BPIFB4: variants seen among roughly 807,000 people sequenced by gnomAD.
The protein encoded by BPIFB4 is BPI fold containing family B member 4, also known as BPI fold-containing family B member 4.
BPIFB4 carries 62 observed loss-of-function variants against 69.2 expected under a neutral mutation model. The observed-to-expected ratio is 0.90, with a 90% confidence interval of 0.73 to 1.11. The LOEUF is 1.11. Among genes scored for constraint, BPIFB4 ranks in the 50% least tolerant of loss-of-function variants. The probability of loss-of-function intolerance (pLI) is 0.00; values close to 1 mark genes in which losing one functional copy is unlikely to be tolerated. For missense variants in BPIFB4, 789 were observed against 792.0 expected (o/e 1.00, Z 0.04); for synonymous variants, 330 against 332.7 (o/e 0.99, Z 0.09).
chr20:33,094,498 TTTTC>T (rs1225703219), intron 11 of BPIFB4, among the ~76,000 whole-genome samples: 4 of 139,488 alleles, frequency 2.9e-5, no homozygotes, highest in East Asian at 3.9e-4. Context: ...TTTCTTTTCT[TTTTC>T]TTTCTTTCTT....
chr20:33,095,241 T>G, intron 12 of BPIFB4, 88 bp downstream of exon 12: 1 of 1,380,890 alleles, frequency 7.2e-7, no homozygotes, highest in East Asian at 2.3e-5. Flanking sequence ...TGCTCAGCGC[T>G]GGGGTGGGGT....
In BPIFB4 at chr20:33,089,680, CT is replaced by C. The variant is rs1300196988; in HGVS notation, c.1051+123del. The C allele has an allele frequency of 6.6e-6, 10 of 1,515,650 alleles. No individual in the cohort carries two copies. In the East Asian group the frequency reaches 2.2e-4, roughly 33 times the overall value. 93.9% of individuals were successfully genotyped at this position (1,515,650 alleles called of 1,614,324 possible). On this transcript the variant is annotated intron_variant, in intron 9 of 17. Transcript: ENST00000375483. ...CTTAGGCCCTTGAAGTGAGGAGTGG[CT>C]AATGCCACAAGGGAGGTGCCACCTG...
chr20:33,096,153 G>T (rs571318425), intron 12 of BPIFB4, among the ~76,000 whole-genome samples: 1 of 152,272 alleles, frequency 6.6e-6, no homozygotes, highest in South Asian at 2.1e-4. Flanking sequence ...CATTCTCTAG[G>T]GTGGTAACAG....
chr20:33,093,758 TCC>T (rs1981677943), intron 11 of BPIFB4, among the ~76,000 whole-genome samples: 3 of 151,590 alleles, frequency 2.0e-5, no homozygotes, highest in African/African-American at 4.9e-5. Flanking sequence ...CATCCACCTA[TCC>T]ATCTATCCAT....
At chr20:33,089,251 C>T (rs1487208336) in intron 8 of BPIFB4, among the ~76,000 whole-genome samples, 3 of 152,144 alleles carry the variant, frequency 2.0e-5, no homozygotes, top group Admixed American at 1.3e-4. Context: ...TGCACAGTTC[C>T]GGGTTTGAAT....
At chr20:33,100,063 G>A (rs1260165280) in intron 13 of BPIFB4, among the ~76,000 whole-genome samples, 5 of 152,096 alleles carry the variant, frequency 3.3e-5, no homozygotes, top group African/African-American at 7.2e-5. Flanking sequence ...CACCCACTCC[G>A]AGGCATTGCA....
intron 17 of BPIFB4, among the ~76,000 whole-genome samples, chr20:33,108,423 C>CTATATATATATATAGATATATATATA (rs1982137323): frequency 8.0e-6 from 1 of 125,704 alleles, no homozygotes; most frequent in African/African-American, 3.2e-5. Flanking sequence ...ATATATATGT[C>CTATATATATATATAGATATATATATA]TATATATATA....
At chr20:33,110,032 C>T (rs1982191533) in intron 17 of BPIFB4, among the ~76,000 whole-genome samples, 1 of 152,182 alleles carries the variant, frequency 6.6e-6, no homozygotes, top group Non-Finnish European at 1.5e-5. Flanking sequence ...ATGTTAGCAT[C>T]TTACATAAAC....
chr20:33,082,947 G>A lies in BPIFB4; in HGVS notation c.116G>A (p.Gly39Asp). 1 of 1,613,368 alleles carries A rather than the reference G, an allele frequency of 6.2e-7. No individual in the cohort carries two copies. The highest frequency in any genetic ancestry group is 8.5e-7 in the Non-Finnish European group (1 of 1,179,596). ...CCTTGCCTCTCTGCAGCCATTTCAG[G>A]CATGCTGCAGCAAAGTGATGCTCTC... ...TKDVLSNAIS[G>D]MLQQSDALHS... is the part of the protein sequence containing the mutation. The change falls in exon 4 of 18, where the codon GGC becomes GAC. Residue 39 changes from glycine to aspartate, a missense_variant. By Grantham distance (94) the Gly-to-Asp change is moderately conservative. This residue lies in a region of BPIFB4 where 611 missense variants were observed against 575.4 expected (regional missense o/e 1.06). Coordinates refer to ENST00000375483, the MANE Select transcript of BPIFB4 (RefSeq NM_182519.3).
Position 33,079,706 on chromosome 20 carries a change from A to G in BPIFB4, c.-124+3A>G, listed in dbSNP as rs1397562677. ...TCAGCGGCAGGGACCTCCTAGGGGTAAGGAGGCGCACCTTGTCTACTCAGT... is the reference window on the plus strand; with the variant it reads ...TCAGCGGCAGGGACCTCCTAGGGGTGAGGAGGCGCACCTTGTCTACTCAGT... On this transcript the variant is annotated splice_donor_region_variant and intron_variant, in intron 1 of 17. Coordinates refer to ENST00000375483, the MANE Select transcript of BPIFB4 (RefSeq NM_182519.3). 1 of 152,322 alleles carries G rather than the reference A, an allele frequency of 6.6e-6. No individual in the cohort carries two copies. Among genetic ancestry groups the G allele is most frequent in the African/African-American group, 2.4e-5 (1 of 41,448 alleles). 9.4% of individuals were successfully genotyped at this position (152,322 alleles called of 1,614,324 possible).
chr20:33,107,647 A>G, intron 16 of BPIFB4, 97 bp from the exon 17 acceptor site: 1 of 952,188 alleles, frequency 1.1e-6, no homozygotes, highest in East Asian at 2.5e-5. Context: ...AAAAAAGAAA[A>G]AAGAAATTGC....
At chr20:33,094,138 C>A (rs1456768923) in intron 11 of BPIFB4, among the ~76,000 whole-genome samples, 1 of 152,220 alleles carries the variant, frequency 6.6e-6, no homozygotes. Flanking sequence ...CACTTGGTGT[C>A]CGTATATAGT....
intron 7 of BPIFB4, among the ~76,000 whole-genome samples, chr20:33,088,112 C>T (rs1309762240): frequency 6.6e-6 from 1 of 152,030 alleles, no homozygotes; most frequent in Non-Finnish European, 1.5e-5. Flanking sequence ...AATTCTTAGA[C>T]CAAAAATCTG....
chr20:33,087,135 C>T (rs1981454833), intron 7 of BPIFB4, among the ~76,000 whole-genome samples: 1 of 152,114 alleles, frequency 6.6e-6, no homozygotes, highest in African/African-American at 2.4e-5. Flanking sequence ...GTGAGGAAAA[C>T]CATGGAAACC....
At chr20:33,081,780 T>G (rs1342429428) in intron 3 of BPIFB4, 148 bp downstream of exon 3, 2 of 1,432,248 alleles carry the variant, frequency 1.4e-6, no homozygotes, top group African/African-American at 2.9e-5. Context: ...AGTTTCTCCT[T>G]TTTCTTTTGA....
Position 33,084,912 on chromosome 20 carries a change from C to T in BPIFB4, c.698C>T (p.Thr233Ile). The change falls in exon 6 of 18, where the codon ACC (threonine) becomes ATC (isoleucine). Residue 233 changes from threonine (T) to isoleucine (I), a missense_variant. Physicochemically the swap from Thr to Ile is moderately conservative, Grantham distance 89. Coordinates refer to ENST00000375483, the MANE Select transcript of BPIFB4 (RefSeq NM_182519.3). ...AGCAGGCTGCGTATCGTGGAGCTGA[C>T]CCTCCCTCGGGTGTCCGTGCGGCTC... ...GITGLRIVEL[T>I]LPRVSVRLLP... 4 of 1,609,500 alleles carry T rather than the reference C, an allele frequency of 2.5e-6. No individual in the cohort carries two copies. Among genetic ancestry groups the T allele is most frequent in the East Asian group, 4.5e-5 (2 of 44,868 alleles).
At chr20:33,104,955 G>T in intron 16 of BPIFB4, 82 bp downstream of exon 16, 2 of 1,380,110 alleles carry the variant, frequency 1.4e-6, no homozygotes, top group Non-Finnish European at 2.0e-6. Context: ...TGCTGGATGT[G>T]CATCTATCCT....
At chr20:33,084,173 A>T (rs1981347352) in intron 5 of BPIFB4, among the ~76,000 whole-genome samples, 1 of 152,228 alleles carries the variant, frequency 6.6e-6, no homozygotes, top group Non-Finnish European at 1.5e-5. Flanking sequence ...AATACAGTGT[A>T]GTGGAAAAGA....
intron 17 of BPIFB4, among the ~76,000 whole-genome samples, chr20:33,110,099 G>T (rs144679145): frequency 1.3e-5 from 2 of 152,278 alleles, no homozygotes; most frequent in Non-Finnish European, 2.9e-5. Flanking sequence ...TGAAGAATCT[G>T]CAGACGTATT....
Sources: gnomAD v4.1 joint callset for allele counts (sites outside exome capture counted in the v4.1 genomes callset) on GRCh38, gnomAD v4.1.1 for gene constraint, gnomAD v4.1.1 regional missense constraint, MANE v1.5 for transcripts, NCBI Gene and HGNC (gene_info 2026-07-23, HGNC 2026-07-21) for gene names.